Variants in EPHA6 observed in about 807,000 individuals in gnomAD.
The protein encoded by EPHA6 is EPH receptor A6, also known as ephrin type-A receptor 6.
Under a neutral mutation model 112.0 loss-of-function variants are expected in EPHA6, and 50 were observed. The observed-to-expected ratio is 0.45, with a 90% confidence interval of 0.36 to 0.56. EPHA6 has a LOEUF of 0.56. EPHA6 is among the 20% of genes least tolerant of loss of function. The probability of loss-of-function intolerance (pLI) is 0.00; values close to 1 mark genes in which losing one functional copy is unlikely to be tolerated. For synonymous variants in EPHA6, 529 were observed against 490.7 expected (o/e 1.08, Z -1.03); for missense variants, 1,280 against 1,417.4 (o/e 0.90, Z 1.56).
intron 2 of EPHA6, among the ~76,000 whole-genome samples, chr3:96,931,158 C>A (rs1159169105): frequency 1.3e-5 from 2 of 152,064 alleles, no homozygotes; most frequent in African/African-American, 4.8e-5. Flanking sequence ...GGTGGCCTGC[C>A]CCACCTCCCA....
intron 13 of EPHA6, among the ~76,000 whole-genome samples, chr3:97,628,765 G>A (rs1233277342): frequency 1.3e-5 from 2 of 151,884 alleles, no homozygotes; most frequent in African/African-American, 2.4e-5. Flanking sequence ...CCTTATACTA[G>A]TTATTTATTA....
At chr3:96,852,759 G>A (rs2035471610) in intron 1 of EPHA6, among the ~76,000 whole-genome samples, 1 of 152,118 alleles carries the variant, frequency 6.6e-6, no homozygotes, top group South Asian at 2.1e-4. Flanking sequence ...TGCAGATGCA[G>A]ATAATAACTG....
chr3:97,000,480 C>T lies in EPHA6; in HGVS notation c.1114+12487C>T, dbSNP rs578070696. Among the ~76,000 whole-genome samples the T allele has an allele frequency of 2.5e-4, 38 of 151,684 alleles. 1 individual carries two copies. Among genetic ancestry groups the T allele is most frequent in the African/African-American group, 6.3e-4 (26 of 41,450 alleles). ...AATGTAGAAGTTAGTTTTTCATTCA[C>T]GTTACAGTCTAAGGTTTGCTTGTTG... On this transcript the variant is annotated intron_variant, in intron 3 of 17. Coordinates refer to ENST00000389672, the MANE Select transcript of EPHA6 (RefSeq NM_001080448.3).
At chr3:96,994,647 T>C (rs1035569818) in intron 3 of EPHA6, among the ~76,000 whole-genome samples, 2 of 150,302 alleles carry the variant, frequency 1.3e-5, no homozygotes. Context: ...CTTAGAGATA[T>C]TAGTTTGTGT....
intron 2 of EPHA6, among the ~76,000 whole-genome samples, chr3:96,876,326 A>G (rs1035485564): frequency 4.6e-5 from 7 of 151,666 alleles, no homozygotes; most frequent in Non-Finnish European, 8.8e-5. Flanking sequence ...TATTGATTCA[A>G]CCTTCAAAAG....
intron 5 of EPHA6, among the ~76,000 whole-genome samples, chr3:97,302,876 C>G (rs1223914826): frequency 6.6e-6 from 1 of 151,590 alleles, no homozygotes; most frequent in Non-Finnish European, 1.5e-5. Context: ...AAGCAATTCA[C>G]TCAGTATAGC....
At chr3:97,233,904 A>G (rs950900597) in intron 4 of EPHA6, among the ~76,000 whole-genome samples, 1 of 152,198 alleles carries the variant, frequency 6.6e-6, no homozygotes, top group African/African-American at 2.4e-5. Flanking sequence ...AATTTCATAG[A>G]TAGGTATAGG....
At chr3:97,095,008 G>A (rs370741445) in intron 3 of EPHA6, among the ~76,000 whole-genome samples, 225 of 151,994 alleles carry the variant, frequency 1.5e-3, no homozygotes, top group Middle Eastern at 3.4e-3. Flanking sequence ...AAGATGGAGA[G>A]AAAAATGATC....
chr3:97,387,316 G>GTT (rs1451719738), intron 5 of EPHA6, among the ~76,000 whole-genome samples: 5,523 of 132,134 alleles, frequency 0.042, 255 homozygotes, highest in African/African-American at 0.12. Flanking sequence ...TTACAATTCA[G>GTT]TTTTTTTTTT....
intron 1 of EPHA6, among the ~76,000 whole-genome samples, chr3:96,846,104 G>A (rs1225342451): frequency 3.3e-5 from 5 of 151,958 alleles, no homozygotes; most frequent in Admixed American, 2.0e-4. Flanking sequence ...AAAATAAAAC[G>A]AGGGAATAGA....
intron 2 of EPHA6, among the ~76,000 whole-genome samples, chr3:96,972,628 G>A (rs972632183): frequency 6.6e-6 from 1 of 152,072 alleles, no homozygotes; most frequent in Non-Finnish European, 1.5e-5. Context: ...AGCTGTTTAA[G>A]GTCCTAAGGC....
At chr3:96,829,988 C>CACACACACAG (rs1320137235) in intron 1 of EPHA6, among the ~76,000 whole-genome samples, 8 of 149,070 alleles carry the variant, frequency 5.4e-5, no homozygotes, top group Admixed American at 2.0e-4. Flanking sequence ...CACACACACA[C>CACACACACAG]AGAAATGGTA....
intron 13 of EPHA6, among the ~76,000 whole-genome samples, chr3:97,622,940 G>T (rs1297206975): frequency 7.0e-6 from 1 of 142,386 alleles, no homozygotes; most frequent in Non-Finnish European, 1.5e-5. Context: ...TTCCATTTTT[G>T]AATCAGGTTG....
At chr3:97,747,320 T>C (rs1280591756) in intron 16 of EPHA6, 103 bp from the exon 17 acceptor site, 3 of 1,001,298 alleles carry the variant, frequency 3.0e-6, no homozygotes, top group Non-Finnish European at 4.1e-6. Flanking sequence ...ATAAAAACAT[T>C]AGATGTAAGA....
intron 4 of EPHA6, among the ~76,000 whole-genome samples, chr3:97,230,816 G>A (rs1372004974): frequency 6.6e-6 from 1 of 152,042 alleles, no homozygotes; most frequent in Non-Finnish European, 1.5e-5. Flanking sequence ...GTAATGGGGA[G>A]GTAAAATCAC....
intron 1 of EPHA6, among the ~76,000 whole-genome samples, chr3:96,839,885 A>T (rs2034632787): frequency 6.6e-6 from 1 of 152,140 alleles, no homozygotes; most frequent in Admixed American, 6.5e-5. Context: ...TAAGTAATCC[A>T]GTTAAAAAAA....
At chr3:97,429,619 G>A (rs2089375018) in intron 6 of EPHA6, among the ~76,000 whole-genome samples, 3 of 149,960 alleles carry the variant, frequency 2.0e-5, no homozygotes, top group Non-Finnish European at 2.9e-5. Context: ...TAGCATATTC[G>A]AAAGTTTAAA....
chr3:97,624,132 C>G (rs1186985050), intron 13 of EPHA6, among the ~76,000 whole-genome samples: 2 of 151,692 alleles, frequency 1.3e-5, no homozygotes, highest in African/African-American at 4.8e-5. Flanking sequence ...GAAAAACTTT[C>G]AATTTATAAC....
chr3:96,959,453 GGTT>G (rs1249524618), intron 2 of EPHA6, among the ~76,000 whole-genome samples: 1 of 151,616 alleles, frequency 6.6e-6, no homozygotes, highest in Non-Finnish European at 1.5e-5. Context: ...CTATTCTGTA[GGTT>G]GTTACTTTCT....
Sources: gnomAD v4.1 joint callset for allele counts (sites outside exome capture counted in the v4.1 genomes callset) on GRCh38, gnomAD v4.1.1 for gene constraint, MANE v1.5 for transcripts, NCBI Gene and HGNC (gene_info 2026-07-23, HGNC 2026-07-21) for gene names.